The following ADAMTS19 variants were observed in gnomAD, a reference collection of about 807,000 sequenced individuals.
The protein encoded by ADAMTS19 is A disintegrin and metalloproteinase with thrombospondin motifs 19.
Under a neutral mutation model 153.3 loss-of-function variants are expected in ADAMTS19, and 93 were observed. The observed-to-expected ratio is 0.61, with a 90% confidence interval of 0.51 to 0.72. The LOEUF (loss-of-function observed/expected upper bound fraction) is 0.72, where lower values mean the gene tolerates loss of function less well. ADAMTS19 is among the 30% of genes least tolerant of loss of function. The pLI is 0.00. For missense variants in ADAMTS19, 1,482 were observed against 1,552.1 expected (o/e 0.95, Z 0.76); for synonymous variants, 600 against 556.6 (o/e 1.08, Z -1.10).
At chr5:129,508,245 A>G (rs921230439) in intron 2 of ADAMTS19, among the ~76,000 whole-genome samples, 1 of 152,122 alleles carries the variant, frequency 6.6e-6, no homozygotes, top group South Asian at 2.1e-4. Context: ...AGTTGAATGT[A>G]TGCTATCTAT....
At chr5:129,684,923 C>T (rs1356133193) in intron 18 of ADAMTS19, among the ~76,000 whole-genome samples, 1 of 151,346 alleles carries the variant, frequency 6.6e-6, no homozygotes, top group Non-Finnish European at 1.5e-5. Context: ...GGAGACGGGG[C>T]TTGCAGTGAG....
At chr5:129,679,247 A>G (rs1754684455) in intron 16 of ADAMTS19, among the ~76,000 whole-genome samples, 1 of 152,204 alleles carries the variant, frequency 6.6e-6, no homozygotes, top group Admixed American at 6.5e-5. Flanking sequence ...TTTTAAATCC[A>G]ACATATTATC....
At chr5:129,543,247 T>C (rs1182390421) in intron 6 of ADAMTS19, among the ~76,000 whole-genome samples, 2 of 151,964 alleles carry the variant, frequency 1.3e-5, no homozygotes, top group Admixed American at 6.6e-5. Context: ...AGAGACGGTT[T>C]CTCCATGTTG....
At chr5:129,720,997 T>G (rs1756984340) in intron 21 of ADAMTS19, among the ~76,000 whole-genome samples, 1 of 152,240 alleles carries the variant, frequency 6.6e-6, no homozygotes. Flanking sequence ...CAAGTTGTAC[T>G]ATGTATAAGC....
chr5:129,710,214 C>T (rs563989098), intron 21 of ADAMTS19, among the ~76,000 whole-genome samples: 42 of 152,274 alleles, frequency 2.8e-4, no homozygotes, highest in African/African-American at 9.4e-4. Context: ...TAAGTGAGAA[C>T]ATTCAGTGTT....
chr5:129,606,401 C>T (rs1750895359), intron 8 of ADAMTS19, among the ~76,000 whole-genome samples: 1 of 152,206 alleles, frequency 6.6e-6, no homozygotes, highest in Admixed American at 6.5e-5. Context: ...TAGTTACTTC[C>T]ATAATCTGTG....
chr5:129,621,537 G>A (rs1340188454), intron 9 of ADAMTS19, among the ~76,000 whole-genome samples: 1 of 152,122 alleles, frequency 6.6e-6, no homozygotes, highest in Non-Finnish European at 1.5e-5. Context: ...AATATATTCT[G>A]TGCATGCTGT....
chr5:129,486,957 T>C (rs1299802908), intron 2 of ADAMTS19, among the ~76,000 whole-genome samples: 2 of 152,192 alleles, frequency 1.3e-5, no homozygotes, highest in African/African-American at 4.8e-5. Context: ...TGAGTGTGCA[T>C]GCACATGCAT....
intron 2 of ADAMTS19, among the ~76,000 whole-genome samples, chr5:129,476,764 TAAAG>T (rs1361626763): frequency 6.6e-6 from 1 of 152,188 alleles, no homozygotes; most frequent in Admixed American, 6.5e-5. Flanking sequence ...ATTAATGAGA[TAAAG>T]AAACTTAGTA....
chr5:129,611,199 G>A (rs1751197288), intron 8 of ADAMTS19, among the ~76,000 whole-genome samples: 2 of 152,214 alleles, frequency 1.3e-5, no homozygotes, highest in South Asian at 4.2e-4. Context: ...CCCTTTGTCA[G>A]ATGAGTAGAT....
intron 21 of ADAMTS19, among the ~76,000 whole-genome samples, chr5:129,707,361 T>C (rs1317094289): frequency 6.6e-6 from 1 of 152,240 alleles, no homozygotes; most frequent in African/African-American, 2.4e-5. Context: ...TGCTTCTGTT[T>C]GTCTACTTTC....
At chr5:129,499,227 C>T (rs1751023072) in intron 2 of ADAMTS19, among the ~76,000 whole-genome samples, 3 of 151,864 alleles carry the variant, frequency 2.0e-5, no homozygotes, top group Admixed American at 2.0e-4. Context: ...TGAATGGATA[C>T]AAGAAAGTAT....
In ADAMTS19 at chr5:129,737,600, T is replaced by C. The variant is rs1183826403; in HGVS notation, c.*382T>C. 1 of 153,348 alleles carries C rather than the reference T, an allele frequency of 6.5e-6. No homozygotes were observed. Among genetic ancestry groups the C allele is most frequent in the East Asian group, 1.9e-4 (1 of 5,192 alleles). 9.5% of individuals were successfully genotyped at this position (153,348 alleles called of 1,614,324 possible). On this transcript the variant is annotated 3_prime_UTR_variant, in exon 23 of 23. Coordinates refer to ENST00000274487, the MANE Select transcript of ADAMTS19 (RefSeq NM_133638.6). ...TGTATACTGACTTAGCATAATAGTT[T>C]AGGTGTATATGAAGAGAAACTATTT...
intron 18 of ADAMTS19, among the ~76,000 whole-genome samples, chr5:129,686,845 G>T (rs941216576): frequency 6.6e-6 from 1 of 151,976 alleles, no homozygotes; most frequent in Non-Finnish European, 1.5e-5. Context: ...ATTTCAAATC[G>T]CTCTCTCAAT....
intron 21 of ADAMTS19, among the ~76,000 whole-genome samples, chr5:129,715,223 C>T (rs1006682205): frequency 4.6e-5 from 7 of 152,024 alleles, no homozygotes; most frequent in Non-Finnish European, 5.9e-5. Flanking sequence ...TTATAAAACT[C>T]GTTAACAGTT....
intron 9 of ADAMTS19, among the ~76,000 whole-genome samples, 182 bp downstream of exon 9, chr5:129,620,940 T>G (rs973551804): frequency 2.0e-5 from 3 of 152,190 alleles, no homozygotes; most frequent in Non-Finnish European, 4.4e-5. Context: ...TTTAACCCCC[T>G]GCTTTTTAAT....
At chr5:129,682,158 A>G (rs551441709) in intron 17 of ADAMTS19, among the ~76,000 whole-genome samples, 4 of 152,328 alleles carry the variant, frequency 2.6e-5, no homozygotes, top group African/African-American at 9.6e-5. Flanking sequence ...TTTTTCCTGG[A>G]AGCATGAAGC....
intron 8 of ADAMTS19, among the ~76,000 whole-genome samples, chr5:129,601,351 G>A (rs1750640472): frequency 6.6e-6 from 1 of 151,024 alleles, no homozygotes; most frequent in Non-Finnish European, 1.5e-5. Flanking sequence ...ATGTTTTATT[G>A]AATTCATATA....
At chr5:129,714,660 T>G (rs1581254983) in intron 21 of ADAMTS19, among the ~76,000 whole-genome samples, 1 of 152,188 alleles carries the variant, frequency 6.6e-6, no homozygotes, top group Admixed American at 6.6e-5. Flanking sequence ...CACGTATCTC[T>G]TTCTGCACAG....
Sources: gnomAD v4.1 joint callset for allele counts (sites outside exome capture counted in the v4.1 genomes callset) on GRCh38, gnomAD v4.1.1 for gene constraint, MANE v1.5 for transcripts, NCBI Gene and HGNC (gene_info 2026-07-23, HGNC 2026-07-21) for gene names.